NEK11: variants seen among roughly 807,000 people sequenced by gnomAD.
The protein encoded by NEK11 is NIMA related kinase 11, also known as serine/threonine-protein kinase Nek11.
A neutral mutation model predicts 80.7 loss-of-function variants in NEK11; 72 were observed. That is an observed-to-expected ratio of 0.89 (90% CI 0.74 to 1.08). The LOEUF (loss-of-function observed/expected upper bound fraction) is 1.08, where lower values mean the gene tolerates loss of function less well. Ranked by LOEUF, NEK11 falls within the 50% of genes least tolerant of loss-of-function variation. NEK11 has a pLI of 0.00. For missense variants in NEK11, 764 were observed against 763.6 expected, an observed-to-expected ratio of 1.00 and a Z score of -0.01; for synonymous variants, 251 against 260.7, an observed-to-expected ratio of 0.96 and a Z score of 0.36.
chr3:131,057,583 C>A (rs1166087011), intron 3 of NEK11, among the ~76,000 whole-genome samples: 22 of 152,186 alleles, frequency 1.4e-4, no homozygotes, highest in South Asian at 4.2e-4. Flanking sequence ...TGCCATTCTA[C>A]CTGGTGTGAG....
At chr3:131,060,994 A>G (rs1027262690) in intron 3 of NEK11, among the ~76,000 whole-genome samples, 1 of 152,128 alleles carries the variant, frequency 6.6e-6, no homozygotes, top group African/African-American at 2.4e-5. Context: ...CCAGTCCCCC[A>G]TCCAGAACTG....
chr3:131,236,983 A>G (rs1323973683), intron 15 of NEK11, among the ~76,000 whole-genome samples: 1 of 152,210 alleles, frequency 6.6e-6, no homozygotes, highest in Non-Finnish European at 1.5e-5. Context: ...GACATTTTCC[A>G]GGGCTGTTCT....
chr3:131,116,743 T>C, intron 5 of NEK11, among the ~76,000 whole-genome samples: 1 of 152,244 alleles, frequency 6.6e-6, no homozygotes, highest in East Asian at 1.9e-4. Context: ...TGAGCATTTT[T>C]TCATGTGTCT....
intron 14 of NEK11, among the ~76,000 whole-genome samples, chr3:131,195,618 G>A (rs967097042): frequency 6.6e-6 from 1 of 151,934 alleles, no homozygotes; most frequent in African/African-American, 2.4e-5. Flanking sequence ...ACTGCATACA[G>A]TTGTGCCTGC....
At chr3:131,072,717 G>A (rs1293041655) in intron 3 of NEK11, among the ~76,000 whole-genome samples, 1 of 152,074 alleles carries the variant, frequency 6.6e-6, no homozygotes, top group Non-Finnish European at 1.5e-5. Context: ...CCAGAAAGCT[G>A]TCTCCTCCAT....
chr3:131,029,656 T>C lies in NEK11; in HGVS notation c.-53T>C. ...TGAATTTGACCATTTCTTAGGAGAC[T>C]GGAATGTTAAGTTTCTATAAATGAA... On this transcript the variant is annotated 5_prime_UTR_variant, in exon 3 of 18. Coordinates refer to ENST00000383366, the MANE Select transcript of NEK11 (RefSeq NM_024800.5). 6.5e-7 allele frequency: 1 copy of C among 1,548,232 alleles called. No individual in the cohort carries two copies. The highest frequency in any genetic ancestry group is 1.1e-5 in the South Asian group (1 of 87,136).
intron 17 of NEK11, among the ~76,000 whole-genome samples, chr3:131,332,308 C>T (rs2097103730): frequency 3.3e-5 from 5 of 152,236 alleles, no homozygotes; most frequent in South Asian, 4.1e-4. Context: ...TCGTGGTTCA[C>T]GAAAATCCGC....
intron 16 of NEK11, among the ~76,000 whole-genome samples, chr3:131,269,209 G>C (rs1213845569): frequency 6.6e-6 from 1 of 152,204 alleles, no homozygotes; most frequent in Non-Finnish European, 1.5e-5. Flanking sequence ...TGGGCTCTGT[G>C]GGGGTGGGAT....
chr3:131,345,541 A>G (rs1201823777), intron 17 of NEK11, among the ~76,000 whole-genome samples: 1 of 152,196 alleles, frequency 6.6e-6, no homozygotes, highest in African/African-American at 2.4e-5. Flanking sequence ...GAAATAACAA[A>G]TGTTGGTGTG....
intron 3 of NEK11, among the ~76,000 whole-genome samples, chr3:131,076,855 CAA>C (rs1313658302): frequency 6.6e-5 from 10 of 152,184 alleles, no homozygotes; most frequent in Non-Finnish European, 1.2e-4. Context: ...TTTAAAAACT[CAA>C]AAGACATGTG....
intron 3 of NEK11, among the ~76,000 whole-genome samples, chr3:131,041,927 A>G (rs1395865351): frequency 6.6e-6 from 1 of 152,136 alleles, no homozygotes; most frequent in African/African-American, 2.4e-5. Context: ...GGGACTGGTT[A>G]GATGTGGGTA....
intron 17 of NEK11, among the ~76,000 whole-genome samples, chr3:131,313,370 A>C (rs1037948107): frequency 6.6e-6 from 1 of 152,104 alleles, no homozygotes. Context: ...TGGTAGTTCT[A>C]TTTTAGCTTT....
rs527466631 is a variant in NEK11, at chr3:131,240,614, C to T, written c.1561-2822C>T. On this transcript the variant is annotated intron_variant, in intron 15 of 17. Transcript: ENST00000383366. ...ACAATATTTTAAAAATACAGTCTAT[C>T]GATGTCATCATATTTGGCTTGGAAT... Among the ~76,000 whole-genome samples the T allele has an allele frequency of 3.9e-5, 6 of 152,160 alleles. No homozygotes were observed. In the South Asian group the frequency reaches 6.2e-4, roughly 16 times the overall value.
intron 15 of NEK11, among the ~76,000 whole-genome samples, chr3:131,239,816 T>TCATC (rs2095493395): frequency 6.6e-6 from 1 of 151,800 alleles, no homozygotes; most frequent in South Asian, 2.1e-4. Context: ...TAGGTAGCTT[T>TCATC]CATTCATTCA....
intron 14 of NEK11, among the ~76,000 whole-genome samples, chr3:131,199,795 A>G (rs2094160042): frequency 1.3e-5 from 2 of 152,192 alleles, no homozygotes; most frequent in Non-Finnish European, 2.9e-5. Context: ...CTTATATACC[A>G]CTAAAGCAGA....
chr3:131,150,661 C>T (rs1439343440), intron 7 of NEK11, among the ~76,000 whole-genome samples: 1 of 151,720 alleles, frequency 6.6e-6, no homozygotes, highest in Non-Finnish European at 1.5e-5. Flanking sequence ...GGAGTCTTTT[C>T]CCTCTTGTGT....
chr3:131,099,195 A>G (rs2077970751), intron 4 of NEK11, among the ~76,000 whole-genome samples: 1 of 152,192 alleles, frequency 6.6e-6, no homozygotes, highest in African/African-American at 2.4e-5. Flanking sequence ...GCATATGGCC[A>G]GCCAGTTATC....
intron 15 of NEK11, among the ~76,000 whole-genome samples, chr3:131,229,712 T>C (rs2095291625): frequency 6.6e-6 from 1 of 151,936 alleles, no homozygotes; most frequent in Non-Finnish European, 1.5e-5. Context: ...TGCTCTCCAA[T>C]TTGATATTAA....
At chr3:131,300,231 G>A (rs1214181969) in intron 17 of NEK11, among the ~76,000 whole-genome samples, 1 of 151,976 alleles carries the variant, frequency 6.6e-6, no homozygotes, top group African/African-American at 2.4e-5. Context: ...GGGGTTGTTG[G>A]TTTTTTGCTT....
Sources: allele counts gnomAD v4.1 joint callset (sites outside exome capture counted in the v4.1 genomes callset), GRCh38; gene constraint gnomAD v4.1.1; transcripts MANE v1.5; gene names NCBI Gene and HGNC (gene_info 2026-07-23, HGNC 2026-07-21).